Variants in HACE1 observed in about 807,000 individuals in gnomAD.
The protein encoded by HACE1 is E3 ubiquitin-protein ligase HACE1.
HACE1 carries 73 observed loss-of-function variants against 118.4 expected under a neutral mutation model. The ratio of observed to expected loss-of-function variants is 0.62; its 90% CI spans 0.51 to 0.75. The LOEUF is 0.75. Among genes scored for constraint, HACE1 ranks in the 30% least tolerant of loss-of-function variants. HACE1 has a pLI of 0.00. For missense variants in HACE1, 749 were observed against 1,102.2 expected (o/e 0.68, Z 4.54); for synonymous variants, 368 against 374.8 (o/e 0.98, Z 0.21).
chr6:104,739,136 C>G (rs1448560314), intron 22 of HACE1, among the ~76,000 whole-genome samples: 1 of 151,948 alleles, frequency 6.6e-6, no homozygotes, highest in Non-Finnish European at 1.5e-5. Flanking sequence ...TTTGTCACCA[C>G]CAGGCCTGCC....
intron 1 of HACE1, among the ~76,000 whole-genome samples, chr6:104,853,408 T>C (rs1011861811): frequency 6.6e-6 from 1 of 152,242 alleles, no homozygotes; most frequent in Non-Finnish European, 1.5e-5. Context: ...ATTATACTTA[T>C]GTACATTTTA....
rs761712161 is a variant in HACE1, at chr6:104,729,639, T to C, written c.*23A>G. 1.9e-6 allele frequency: 2 copies of C among 1,058,080 alleles called. No homozygotes were observed. The highest frequency in any genetic ancestry group is 2.5e-5 in the South Asian group (2 of 80,264). The allele number at this position is 1,058,080 out of a possible 1,614,324, so 65.5% of individuals were successfully genotyped here. A position where few individuals can be genotyped will look rare whatever the true frequency, so the allele number is the denominator to read the frequency against. On this transcript the variant is annotated 3_prime_UTR_variant, in exon 24 of 24. Coordinates refer to ENST00000262903, the MANE Select transcript of HACE1 (RefSeq NM_020771.4). ...GCCATTCTGAATTGTGCATCAGTAG[T>C]CAGAGGAGTTTTCCAGACTTCATTA...
intron 10 of HACE1, among the ~76,000 whole-genome samples, chr6:104,794,710 C>A (rs964627846): frequency 6.6e-6 from 1 of 152,148 alleles, no homozygotes; most frequent in African/African-American, 2.4e-5. Flanking sequence ...TCAAGACCAG[C>A]CTGGGCAACA....
intron 14 of HACE1, among the ~76,000 whole-genome samples, chr6:104,780,066 CAATA>C (rs879904562): frequency 2.0e-5 from 3 of 151,920 alleles, no homozygotes; most frequent in Non-Finnish European, 4.4e-5. Context: ...CTAGAATGCT[CAATA>C]AATAGATACT....
chr6:104,731,209 T>A (rs1440037091), intron 22 of HACE1: 2 of 151,896 alleles, frequency 1.3e-5, no homozygotes, highest in Non-Finnish European at 2.9e-5. Flanking sequence ...AAAAAAAAAA[T>A]TCTATTGCTT....
At chr6:104,786,902 C>T (rs545271025) in intron 11 of HACE1, 13 of 152,152 alleles carry the variant, frequency 8.5e-5, no homozygotes, top group South Asian at 2.1e-4. Context: ...TTTTAAAGAC[C>T]GCCATGGAAG....
At position 104,785,414 on chromosome 6, in the gene HACE1, G is replaced by C; in HGVS notation, c.1075-95C>G. ...ACAACTAGACAAATATTATAGAAGAGAAAATTTACTCTAGTCATTTCTATC... is the reference window on the plus strand; with the variant it reads ...ACAACTAGACAAATATTATAGAAGACAAAATTTACTCTAGTCATTTCTATC... On this transcript the variant is annotated intron_variant, in intron 11 of 23. Transcript: ENST00000262903. The C allele has an allele frequency of 9.6e-6, 7 of 731,882 alleles. No homozygotes were observed. The South Asian group carries it at 1.1e-4, about 12-fold the overall frequency. 45.3% of individuals were successfully genotyped at this position (731,882 alleles called of 1,614,324 possible).
intron 4 of HACE1, among the ~76,000 whole-genome samples, chr6:104,847,811 T>G (rs1045892128): frequency 1.6e-4 from 24 of 151,166 alleles, no homozygotes; most frequent in African/African-American, 5.1e-4. Context: ...TTTTTTGGGG[T>G]TTTTTTTGTT....
In HACE1 at chr6:104,728,496, A is replaced by G. The variant is rs1244327754; in HGVS notation, c.*1166T>C. 6.6e-6 allele frequency: 1 copy of G among 152,220 alleles called. No homozygotes were observed. The highest frequency in any genetic ancestry group is 2.4e-5 in the African/African-American group (1 of 41,464). 9.4% of individuals were successfully genotyped at this position (152,220 alleles called of 1,614,324 possible). A position where few individuals can be genotyped will look rare whatever the true frequency, so the allele number is the denominator to read the frequency against. On this transcript the variant is annotated 3_prime_UTR_variant, in exon 24 of 24. Coordinates refer to ENST00000262903, the MANE Select transcript of HACE1 (RefSeq NM_020771.4). ...AGCTTTATAATTTAGCAAAACTTTC[A>G]ACTTACATGTCTCTCAAACATTACT...
At chr6:104,799,813 G>A (rs1770101596) in intron 7 of HACE1, among the ~76,000 whole-genome samples, 1 of 152,188 alleles carries the variant, frequency 6.6e-6, no homozygotes, top group Non-Finnish European at 1.5e-5. Flanking sequence ...TAGCATGACT[G>A]ACACAGAAGA....
chr6:104,732,523 TGTTAGAGGCGGGTGG>T, intron 22 of HACE1, among the ~76,000 whole-genome samples: 1 of 152,122 alleles, frequency 6.6e-6, no homozygotes, highest in East Asian at 1.9e-4. Flanking sequence ...AATTGGTGGT[TGTTAGAGGCGGGTGG>T]GAAAGGAGGA....
intron 10 of HACE1, among the ~76,000 whole-genome samples, chr6:104,794,052 G>C (rs1783356194): frequency 6.6e-6 from 1 of 152,140 alleles, no homozygotes; most frequent in South Asian, 2.1e-4. Context: ...AGCTAGATTA[G>C]AACCTAGAAT....
At chr6:104,773,757 T>A (rs1202406717) in intron 17 of HACE1, among the ~76,000 whole-genome samples, 1 of 145,648 alleles carries the variant, frequency 6.9e-6, no homozygotes, top group Non-Finnish European at 1.5e-5. Context: ...AAAGAATAGA[T>A]AAGGAGACTT....
chr6:104,754,916 G>A (rs1196799618), intron 19 of HACE1, among the ~76,000 whole-genome samples: 1 of 152,172 alleles, frequency 6.6e-6, no homozygotes, highest in Non-Finnish European at 1.5e-5. Flanking sequence ...CGTCATGACA[G>A]GATCAAATTC....
chr6:104,804,874 A>G (rs1230521314), intron 7 of HACE1, among the ~76,000 whole-genome samples: 1 of 152,234 alleles, frequency 6.6e-6, no homozygotes, highest in Admixed American at 6.5e-5. Flanking sequence ...TAATTAAACT[A>G]AAGAGCTTCT....
intron 1 of HACE1, among the ~76,000 whole-genome samples, chr6:104,855,765 TAA>T (rs1776659733): frequency 2.0e-5 from 3 of 152,302 alleles, no homozygotes; most frequent in Middle Eastern, 6.8e-3. Flanking sequence ...GAATTTCCAT[TAA>T]GTCACCCCAT....
intron 1 of HACE1, among the ~76,000 whole-genome samples, chr6:104,852,658 C>T (rs1175238098): frequency 6.6e-6 from 1 of 152,100 alleles, no homozygotes; most frequent in African/African-American, 2.4e-5. Context: ...CCATTATCCA[C>T]CAAAAAACAA....
At chr6:104,848,429 C>T (rs1204720633) in intron 4 of HACE1, among the ~76,000 whole-genome samples, 1 of 148,906 alleles carries the variant, frequency 6.7e-6, no homozygotes, top group African/African-American at 2.5e-5. Flanking sequence ...GCACTCCAGC[C>T]TGGTGACGGA....
chr6:104,733,789 G>A (rs988234362), intron 22 of HACE1, among the ~76,000 whole-genome samples: 1 of 151,268 alleles, frequency 6.6e-6, no homozygotes, highest in Non-Finnish European at 1.5e-5. Context: ...GCAGTGAGCT[G>A]AGATCAACCA....
Sources: allele counts gnomAD v4.1 joint callset (sites outside exome capture counted in the v4.1 genomes callset), GRCh38; gene constraint gnomAD v4.1.1; transcripts MANE v1.5; gene names NCBI Gene and HGNC (gene_info 2026-07-23, HGNC 2026-07-21).